Variants in NEB observed in about 807,000 individuals in gnomAD.
The protein encoded by NEB is nemaline myopathy type 2.
Under a neutral mutation model 952.2 loss-of-function variants are expected in NEB, and 512 were observed. The ratio of observed to expected loss-of-function variants is 0.54; its 90% CI spans 0.50 to 0.58. NEB has a LOEUF of 0.58. Among genes scored for constraint, NEB ranks in the 20% least tolerant of loss-of-function variants. The pLI is 0.00. For missense variants in NEB, 8,428 were observed against 9,231.1 expected, an observed-to-expected ratio of 0.91 and a Z score of 3.56; for synonymous variants, 2,900 against 3,149.8, an observed-to-expected ratio of 0.92 and a Z score of 2.66.
chr2:151,636,228 T>C lies in NEB; in HGVS notation c.9101A>G (p.Asp3034Gly). The change falls in exon 64 of 182, where the codon GAC becomes GGC. Residue 3034 changes from aspartate (D) to glycine (G), a missense_variant and splice_region_variant. Asp to Gly is a moderately conservative substitution (Grantham distance 94). Coordinates refer to ENST00000397345, the MANE Select transcript of NEB (RefSeq NM_001164508.2). ...AAKASRDIIS[D>G]YKYKDGYCKQ... is the part of the protein sequence containing the mutation. The stretch of plus-strand genomic sequence containing the variant: ...CTCAGAATGGAATTGACAACTCACG[T>C]CACTGATGATGTCCCTGGAGGCCTT... The C allele has an allele frequency of 1.2e-6, 2 of 1,606,694 alleles. No individual in the cohort carries two copies. Among genetic ancestry groups the C allele is most frequent in the South Asian group, 2.2e-5 (2 of 91,000 alleles).
chr2:151,534,894 A>G (rs1157608901), intron 142 of NEB, among the ~76,000 whole-genome samples: 1 of 152,266 alleles, frequency 6.6e-6, no homozygotes, highest in African/African-American at 2.4e-5. Context: ...AATCAAATGT[A>G]AAGACAACAA....
intron 181 of NEB, among the ~76,000 whole-genome samples, chr2:151,489,157 A>C (rs1285505797): frequency 6.6e-6 from 1 of 152,204 alleles, no homozygotes; most frequent in Non-Finnish European, 1.5e-5. Context: ...TAGGTCTAAC[A>C]CTTATTTAGA....
intron 65 of NEB, among the ~76,000 whole-genome samples, chr2:151,631,935 C>T (rs34579746): frequency 6.6e-6 from 1 of 152,078 alleles, no homozygotes; most frequent in Non-Finnish European, 1.5e-5. Flanking sequence ...ATCTGTAATG[C>T]CTTTAAAAAC....
intron 49 of NEB, 37 bp from the exon 50 acceptor site, chr2:151,656,060 C>T: frequency 1.2e-6 from 2 of 1,600,712 alleles, no homozygotes; most frequent in African/African-American, 1.3e-5. Context: ...TTTATCTTAT[C>T]CATTTAGACA....
intron 181 of NEB, among the ~76,000 whole-genome samples, chr2:151,488,911 T>C (rs1000487480): frequency 9.2e-5 from 14 of 152,222 alleles, no homozygotes; most frequent in African/African-American, 2.9e-4. Context: ...TTTGTATCTA[T>C]TGCCATGCTA....
chr2:151,684,714 C>T (rs1428521299), intron 28 of NEB, 64 bp downstream of exon 28: 2 of 1,410,768 alleles, frequency 1.4e-6, no homozygotes, highest in African/African-American at 1.4e-5. Flanking sequence ...CCTCACTCAA[C>T]TTCAAAGTCC....
chr2:151,534,298 C>T lies in NEB; in HGVS notation c.21313-752G>A, dbSNP rs1354432941. On this transcript the variant is annotated intron_variant, in intron 142 of 181. Transcript: ENST00000397345. Reference sequence around the variant, plus strand: ...AGGTGGTATTTATCTTTCCGCTGCTCATAATCAGCTCTGTATTTTTTCTGC... The same window carrying T: ...AGGTGGTATTTATCTTTCCGCTGCTTATAATCAGCTCTGTATTTTTTCTGC... 7 of 1,613,340 alleles carry T rather than the reference C, an allele frequency of 4.3e-6. No homozygotes were observed. In the Admixed American group the frequency reaches 5.0e-5, roughly 12 times the overall value.
At chr2:151,632,911 G>A (rs2098698248) in intron 65 of NEB, among the ~76,000 whole-genome samples, 1 of 151,972 alleles carries the variant, frequency 6.6e-6, no homozygotes, top group Non-Finnish European at 1.5e-5. Context: ...CTTTCTTTTT[G>A]GAAAGAATTG....
intron 161 of NEB, among the ~76,000 whole-genome samples, chr2:151,511,840 C>G (rs2074638714): frequency 6.6e-6 from 1 of 152,090 alleles, no homozygotes. Context: ...GATTGGTAAT[C>G]CAAATGTGGG....
In NEB at chr2:151,546,335, G is replaced by A; in HGVS notation, c.20466+10C>T. 6.2e-7 allele frequency: 1 copy of A among 1,606,020 alleles called. No individual in the cohort carries two copies. Among genetic ancestry groups the A allele is most frequent in the Non-Finnish European group, 8.5e-7 (1 of 1,174,762 alleles). ...GGGGGTAATTATGCATTGTGATGAT[G>A]TGCACTCACCCAGAGCTTCCGCAGG... On this transcript the variant is annotated intron_variant, in intron 134 of 181. Transcript: ENST00000397345.
At chr2:151,525,037 C>T (rs1355065509) in intron 151 of NEB, 126 bp downstream of exon 151, 4 of 750,642 alleles carry the variant, frequency 5.3e-6, no homozygotes, top group Admixed American at 2.7e-5. Context: ...AACCAATTCT[C>T]GCCACTAACT....
At position 151,659,154 on chromosome 2, in the gene NEB, C is replaced by T; in HGVS notation, c.5986G>A (p.Ala1996Thr). 6.2e-7 allele frequency: 1 copy of T among 1,611,372 alleles called. No homozygotes were observed. The highest frequency in any genetic ancestry group is 8.5e-7 in the Non-Finnish European group (1 of 1,177,816). Residue 1996 changes from alanine (A) to threonine (T), a missense_variant, in exon 47 of 182, where the codon GCA becomes ACA. By Grantham distance (58) the Ala-to-Thr change is moderately conservative. Around this residue, in one of 11 missense-constraint regions of NEB, gnomAD observed 2,851 missense variants for 2,791.5 expected, o/e 1.02. Coordinates refer to ENST00000397345, the MANE Select transcript of NEB (RefSeq NM_001164508.2). ...ACTTTGGTTTTGTCAGCCTCCCATG[C>T]TTGTTTGTAGAGATGCTAGGAAAAA... Reference protein sequence around the residue: ...KIMNEHLYKQAWEADKTKVHI... With the variant: ...KIMNEHLYKQTWEADKTKVHI...
intron 109 of NEB, among the ~76,000 whole-genome samples, 178 bp from the exon 110 acceptor site, chr2:151,569,550 C>T (rs576097741): frequency 3.3e-5 from 5 of 152,194 alleles, no homozygotes; most frequent in Admixed American, 6.5e-5. Flanking sequence ...GTGTGACAAA[C>T]GATAGCATAT....
In NEB at chr2:151,663,048, C is replaced by A. The variant is rs183338314; in HGVS notation, c.5763+500G>T. Among the ~76,000 whole-genome samples the A allele has an allele frequency of 7.9e-5, 12 of 152,276 alleles. No homozygotes were observed. The East Asian group carries it at 2.1e-3, about 27-fold the overall frequency. On this transcript the variant is annotated intron_variant, in intron 45 of 181. Coordinates refer to ENST00000397345, the MANE Select transcript of NEB (RefSeq NM_001164508.2). Reference sequence around the variant, plus strand: ...CTTTAGCTAAATTCTTGGCTCTATTCTTTCTCTGTCTTCCTTATATTTAGT... The same window carrying A: ...CTTTAGCTAAATTCTTGGCTCTATTATTTCTCTGTCTTCCTTATATTTAGT...
intron 151 of NEB, among the ~76,000 whole-genome samples, 175 bp from the exon 152 acceptor site, chr2:151,524,791 C>T (rs988231969): frequency 4.0e-5 from 6 of 150,534 alleles, no homozygotes; most frequent in East Asian, 2.0e-4. Context: ...CTCAGCCTCC[C>T]GAGTAGCTGG....
intron 145 of NEB, 142 bp downstream of exon 145, chr2:151,530,852 A>G (rs1329571465): frequency 3.3e-6 from 2 of 601,148 alleles, no homozygotes; most frequent in Non-Finnish European, 5.9e-6. Flanking sequence ...CCGAATCATG[A>G]GCAAAAGAGA....
rs769673154 is a variant in NEB, at chr2:151,568,408, G to C, written c.17644C>G (p.Arg5882Gly). Residue 5882 changes from arginine to glycine, a missense_variant, in exon 112 of 182, where the codon CGG (arginine) becomes GGG (glycine). Around this residue, in one of 11 missense-constraint regions of NEB, gnomAD observed 3,374 missense variants for 3,651.5 expected, o/e 0.92. Transcript: ENST00000397345. ...GATTTGGTGGCATTCCAGTCTTTCC[G>C]GTATTTAATCTAAAAAAAAAAAAAT... Reference protein sequence around the residue: ...SGEILDDIKYRKDWNATKSKY... With the variant: ...SGEILDDIKYGKDWNATKSKY... 7.0e-6 allele frequency: 11 copies of C among 1,573,272 alleles called. No individual in the cohort carries two copies. Among genetic ancestry groups the C allele is most frequent in the Middle Eastern group, 1.7e-4 (1 of 5,894 alleles).
chr2:151,532,377 A>G (rs930666105), intron 143 of NEB, among the ~76,000 whole-genome samples: 17 of 152,222 alleles, frequency 1.1e-4, no homozygotes, highest in African/African-American at 4.1e-4. Flanking sequence ...TGTATTGAAC[A>G]TGTACAATCT....
At chr2:151,733,225 A>G (rs1333859274) in intron 2 of NEB, 40 bp from the exon 3 acceptor site, 6 of 1,331,040 alleles carry the variant, frequency 4.5e-6, no homozygotes, top group Non-Finnish European at 6.3e-6. Context: ...ATTAGAGTCT[A>G]TTCCCAGCAC....
Sources: gnomAD v4.1 joint callset for allele counts (sites outside exome capture counted in the v4.1 genomes callset) on GRCh38, gnomAD v4.1.1 for gene constraint, gnomAD v4.1.1 regional missense constraint, MANE v1.5 for transcripts, NCBI Gene and HGNC (gene_info 2026-07-23, HGNC 2026-07-21) for gene names.